CLVS1: variants seen among roughly 807,000 people sequenced by gnomAD.
The protein encoded by CLVS1 is clavesin 1, also known as clavesin-1.
In CLVS1, 10 loss-of-function variants were observed where a neutral mutation model predicts 33.1. The observed-to-expected ratio is 0.30, with a 90% CI of 0.19 to 0.51. The LOEUF is 0.51. Among genes scored for constraint, CLVS1 ranks in the 20% least tolerant of loss-of-function variants. The pLI, the probability that CLVS1 is intolerant of heterozygous loss-of-function variation, is 0.97. For missense variants in CLVS1, 343 were observed against 433.4 expected (o/e 0.79, Z 1.85); for synonymous variants, 163 against 166.1 (o/e 0.98, Z 0.14).
chr8:61,164,426 A>G (rs1806814067), intron 2 of CLVS1, among the ~76,000 whole-genome samples: 1 of 152,214 alleles, frequency 6.6e-6, no homozygotes, highest in Non-Finnish European at 1.5e-5. Flanking sequence ...GTATGCAAAT[A>G]CAGGCCATTA....
At chr8:61,367,334 T>C (rs75200123) in intron 2 of CLVS1, among the ~76,000 whole-genome samples, 57,045 of 151,642 alleles carry the variant, frequency 0.38, 13,033 homozygotes, top group East Asian at 0.64. Context: ...ATTTGCCCCA[T>C]TGCACAGGAA....
At chr8:61,187,969 A>G (rs1807377262) in intron 2 of CLVS1, among the ~76,000 whole-genome samples, 2 of 152,060 alleles carry the variant, frequency 1.3e-5, no homozygotes, top group South Asian at 4.1e-4. Context: ...ATTGCAAGAG[A>G]ACAGCAACGC....
intron 5 of CLVS1, among the ~76,000 whole-genome samples, chr8:61,499,080 C>CT (rs1281530254): frequency 6.6e-6 from 1 of 152,100 alleles, no homozygotes; most frequent in Non-Finnish European, 1.5e-5. Flanking sequence ...CTCCAAAATG[C>CT]TTTTTTGCCG....
the CLVS1 span, among the ~76,000 whole-genome samples, chr8:60,974,778 CAA>C: frequency 2.2e-4 from 23 of 104,824 alleles, no homozygotes; most frequent in East Asian, 2.6e-4. Flanking sequence ...GACTCCATCT[CAA>C]AAAAAAAAAA....
intron 2 of CLVS1, among the ~76,000 whole-genome samples, chr8:61,320,984 C>T (rs1179460314): frequency 6.6e-6 from 1 of 152,122 alleles, no homozygotes; most frequent in Non-Finnish European, 1.5e-5. Context: ...GTGATCTTTT[C>T]ATTCACTTAA....
At chr8:61,021,577 GTCTCGAAC>G in the CLVS1 span, among the ~76,000 whole-genome samples, 1 of 151,550 alleles carries the variant, frequency 6.6e-6, no homozygotes, top group African/African-American at 2.4e-5. Context: ...GACCAGGGTG[GTCTCGAAC>G]TCTTGACCTC....
At chr8:61,217,836 A>T (rs1231030724) in intron 2 of CLVS1, among the ~76,000 whole-genome samples, 2 of 152,216 alleles carry the variant, frequency 1.3e-5, no homozygotes, top group Non-Finnish European at 2.9e-5. Flanking sequence ...TAAAAAATGG[A>T]CAAATGATAT....
chr8:61,191,113 GC>G (rs1807463527), intron 2 of CLVS1, among the ~76,000 whole-genome samples: 1 of 152,152 alleles, frequency 6.6e-6, no homozygotes, highest in Admixed American at 6.5e-5. Flanking sequence ...GAACATCGAT[GC>G]AAAAATCCTC....
intron 1 of CLVS1, among the ~76,000 whole-genome samples, chr8:61,288,900 C>CCCTAAAGGTTAA (rs1809876255): frequency 6.6e-6 from 1 of 152,098 alleles, no homozygotes; most frequent in Non-Finnish European, 1.5e-5. Flanking sequence ...AAAATAGGGA[C>CCCTAAAGGTTAA]CCTAAAGGTT....
the CLVS1 span, among the ~76,000 whole-genome samples, chr8:61,037,881 A>G: frequency 6.6e-6 from 1 of 152,188 alleles, no homozygotes; most frequent in Non-Finnish European, 1.5e-5. Context: ...AGCAGGACGC[A>G]CTGAGAGAGC....
rs4033854 is a variant in CLVS1 at position 61,086,035 on chromosome 8, C to CAAAAAAAAA, written c.-243+28839_-243+28847dup. On this transcript the variant is annotated intron_variant, in intron 1 of 2. Transcript: ENST00000522621. ...TGGGCGACAGAGCGAGACTCCCTCT[C>CAAAAAAAAA]AAAAAAAAAAAAAAAAAAAAAAAAA... is the stretch of plus-strand genomic sequence containing the variant. 6.4e-5 allele frequency among the ~76,000 whole-genome samples: 2 copies of CAAAAAAAAA among 31,246 alleles called. 1 individual carries two copies. The highest frequency in any genetic ancestry group is 2.9e-4 in the African/African-American group (2 of 6,916). 20.5% of individuals were successfully genotyped at this position (31,246 alleles called of 152,430 possible).
intron 2 of CLVS1, among the ~76,000 whole-genome samples, chr8:61,153,855 C>T (rs572430512): frequency 6.6e-6 from 1 of 152,270 alleles, no homozygotes; most frequent in East Asian, 1.9e-4. Flanking sequence ...ACCTGGCAGG[C>T]CTGAAACTGG....
At chr8:61,317,052 A>G (rs1377502688) in intron 2 of CLVS1, among the ~76,000 whole-genome samples, 1 of 152,126 alleles carries the variant, frequency 6.6e-6, no homozygotes, top group Non-Finnish European at 1.5e-5. Flanking sequence ...TGGTCACTTC[A>G]TTAGGTTACT....
intron 5 of CLVS1, among the ~76,000 whole-genome samples, chr8:61,476,842 G>A (rs1431748865): frequency 2.6e-5 from 4 of 152,202 alleles, no homozygotes; most frequent in Non-Finnish European, 5.9e-5. Context: ...ATGTTGAATA[G>A]GAGTGGTGGG....
chr8:61,242,987 A>G (rs2129314554), intron 2 of CLVS1, among the ~76,000 whole-genome samples: 1 of 148,934 alleles, frequency 6.7e-6, no homozygotes, highest in Non-Finnish European at 1.5e-5. Context: ...TTTTCCTTTA[A>G]CAATAGGCTT....
At chr8:61,351,089 AT>A (rs907743100) in intron 2 of CLVS1, among the ~76,000 whole-genome samples, 4 of 151,996 alleles carry the variant, frequency 2.6e-5, no homozygotes, top group African/African-American at 4.8e-5. Context: ...TCAGGTATGG[AT>A]TTTTTTCTCC....
chr8:61,246,194 T>TTTTTTTTG (rs1808806182), intron 2 of CLVS1, among the ~76,000 whole-genome samples: 1 of 124,802 alleles, frequency 8.0e-6, no homozygotes, highest in Non-Finnish European at 1.6e-5. Flanking sequence ...TTTTTTTTTT[T>TTTTTTTTG]TTGAGACGGA....
upstream of CLVS1, among the ~76,000 whole-genome samples, chr8:61,053,353 G>A (rs548841444): frequency 2.0e-5 from 3 of 152,316 alleles, no homozygotes; most frequent in African/African-American, 7.2e-5. Flanking sequence ...AGGTTGGAGT[G>A]AGGAAGAGGA....
intron 2 of CLVS1, among the ~76,000 whole-genome samples, chr8:61,155,337 C>A (rs942526429): frequency 2.6e-5 from 4 of 152,260 alleles, no homozygotes; most frequent in African/African-American, 9.6e-5. Flanking sequence ...GAAAATGCCC[C>A]GGCTTGCCTG....
Sources: allele counts gnomAD v4.1 joint callset (sites outside exome capture counted in the v4.1 genomes callset), GRCh38; gene constraint gnomAD v4.1.1; transcripts MANE v1.5; gene names NCBI Gene and HGNC (gene_info 2026-07-23, HGNC 2026-07-21).